WLS: variants seen among roughly 807,000 people sequenced by gnomAD.
WLS encodes the protein protein wntless homolog.
WLS carries 23 observed loss-of-function variants against 62.8 expected under a neutral mutation model. The ratio of observed to expected loss-of-function variants is 0.37; its 90% CI spans 0.26 to 0.52. WLS has a LOEUF of 0.52. Among genes scored for constraint, WLS ranks in the 20% least tolerant of loss-of-function variants. WLS has a pLI of 0.92. For synonymous variants in WLS, 246 were observed against 244.1 expected, an observed-to-expected ratio of 1.01 and a Z score of -0.07; for missense variants, 615 against 697.3, an observed-to-expected ratio of 0.88 and a Z score of 1.33.
At chr1:68,176,022 T>A (rs1294427529) in intron 2 of WLS, among the ~76,000 whole-genome samples, 1 of 152,226 alleles carries the variant, frequency 6.6e-6, no homozygotes, top group Non-Finnish European at 1.5e-5. Context: ...AGCTTTTTTA[T>A]TTCCAACCCA....
At chr1:68,224,512 C>T (rs773860036) in intron 1 of WLS, among the ~76,000 whole-genome samples, 10 of 152,182 alleles carry the variant, frequency 6.6e-5, no homozygotes, top group African/African-American at 2.2e-4. Flanking sequence ...CCCACTATCT[C>T]GACAAATTTC....
downstream of WLS, among the ~76,000 whole-genome samples, chr1:68,122,565 AT>A (rs3831101): frequency 0.31 from 47,243 of 152,048 alleles, 7,405 homozygotes; most frequent in East Asian, 0.45. Flanking sequence ...AAACTTTCTT[AT>A]TTTTTAAAAA....
At chr1:68,159,947 G>A (rs1056476210) in intron 2 of WLS, among the ~76,000 whole-genome samples, 1 of 152,092 alleles carries the variant, frequency 6.6e-6, no homozygotes, top group Non-Finnish European at 1.5e-5. Flanking sequence ...CATATGTGTG[G>A]ACTGGACCAC....
At chr1:68,124,316 A>G (rs1646398523), downstream of WLS, among the ~76,000 whole-genome samples, 2 of 152,156 alleles carry the variant, frequency 1.3e-5, no homozygotes, top group Admixed American at 6.5e-5. Flanking sequence ...ACAGCATTAA[A>G]AACCCTTCTC....
At chr1:68,162,843 G>A in intron 2 of WLS, 1 of 1,348,410 alleles carries the variant, frequency 7.4e-7, no homozygotes, top group East Asian at 2.3e-5. Flanking sequence ...GGATGATGGT[G>A]TGGTACATCA....
intron 11 of WLS, among the ~76,000 whole-genome samples, chr1:68,108,828 GGC>G (rs1646182118): frequency 6.6e-6 from 1 of 152,026 alleles, no homozygotes; most frequent in Non-Finnish European, 1.5e-5. Context: ...GGGGAAAATT[GGC>G]ACACTAAAGA....
intron 1 of WLS, among the ~76,000 whole-genome samples, chr1:68,214,255 G>T (rs1421372651): frequency 2.6e-5 from 4 of 151,832 alleles, no homozygotes; most frequent in African/African-American, 9.7e-5. Context: ...CCTAACAGAG[G>T]TTGGTTCCAT....
chr1:68,098,464 G>C, downstream of WLS: 1 of 1,077,802 alleles, frequency 9.3e-7, no homozygotes, highest in East Asian at 2.7e-5. Context: ...GGATGTAAGA[G>C]AAGTAAGACA....
At position 68,232,268 on chromosome 1, in the gene WLS, G is replaced by C. The variant is rs1312050404; in HGVS notation, c.32C>G (p.Thr11Ser). 1 of 1,613,912 alleles carries C rather than the reference G, an allele frequency of 6.2e-7. No homozygotes were observed. Residue 11 changes from threonine (T) to serine (S), a missense_variant, in exon 1 of 12, where the codon ACC (threonine) becomes AGC (serine). By Grantham distance (58) the Thr-to-Ser change is moderately conservative. Coordinates refer to ENST00000262348, the MANE Select transcript of WLS (RefSeq NM_024911.7). MAGAIIENMS[T>S]KKLCIVGGIL... Reference sequence around the variant, plus strand: ...CCCACCAACAATGCACAGCTTCTTGGTGCTCATGTTTTCTATAATTGCCCC... The same window carrying C: ...CCCACCAACAATGCACAGCTTCTTGCTGCTCATGTTTTCTATAATTGCCCC...
chr1:68,119,617 C>T (rs1382453712), intron 11 of WLS, among the ~76,000 whole-genome samples: 1 of 152,204 alleles, frequency 6.6e-6, no homozygotes, highest in East Asian at 1.9e-4. Context: ...TTGACAGAGG[C>T]CCTGGCCGTG....
chr1:68,138,698 C>T lies in WLS; in HGVS notation c.1363-765G>A, dbSNP rs187789881. Among the ~76,000 whole-genome samples, 187 of 152,252 alleles carry T rather than the reference C, an allele frequency of 1.2e-3. 6 individuals carry two copies. The highest frequency in any genetic ancestry group is 1.6e-4 in the Non-Finnish European group (11 of 68,012). ...GGGCTGCCTAAAGATATATGGATTA[C>T]ACTAAGAACTGTCAACAGAGCTGCT... On this transcript the variant is annotated intron_variant, in intron 10 of 11. Transcript: ENST00000262348.
chr1:68,210,055 G>C (rs534638900), intron 1 of WLS, among the ~76,000 whole-genome samples: 3 of 152,184 alleles, frequency 2.0e-5, no homozygotes, highest in Non-Finnish European at 2.9e-5. Context: ...CTATTGTAGA[G>C]GTTGTTGATC....
chr1:68,144,650 C>T lies in WLS; in HGVS notation c.1281G>A (p.Gly427=), dbSNP rs766795856. 7 of 1,612,830 alleles carry T rather than the reference C, an allele frequency of 4.3e-6. No homozygotes were observed. Among genetic ancestry groups the T allele is most frequent in the Non-Finnish European group, 5.1e-6 (6 of 1,179,208 alleles). ...TGAGGAACTTGAACCTAAAAATTAGCCCCTATTAGAAAAGAAAGAGTAGTT... is the reference window on the plus strand; with the variant it reads ...TGAGGAACTTGAACCTAAAAATTAGTCCCTATTAGAAAAGAAAGAGTAGTT... The part of the protein sequence containing the change: ...MSKVRRLHYE[G]LIFRFKFLML... The change falls in exon 10 of 12, where the codon GGG becomes GGA. Residue 427 remains glycine (G), a splice_region_variant and synonymous_variant. Coordinates refer to ENST00000262348, the MANE Select transcript of WLS (RefSeq NM_024911.7).
At chr1:68,115,141 C>G (rs902347597) in intron 11 of WLS, among the ~76,000 whole-genome samples, 8 of 152,204 alleles carry the variant, frequency 5.3e-5, no homozygotes, top group Non-Finnish European at 1.2e-4. Context: ...GGTTTCAACT[C>G]AATGACTGCT....
At chr1:68,158,211 C>T (rs1030702191) in intron 3 of WLS, among the ~76,000 whole-genome samples, 8 of 152,186 alleles carry the variant, frequency 5.3e-5, no homozygotes, top group Non-Finnish European at 7.3e-5. Flanking sequence ...TGGGTGTGCC[C>T]TGGGAATCTG....
At chr1:68,142,052 T>C (rs1646693931) in intron 10 of WLS, among the ~76,000 whole-genome samples, 1 of 152,246 alleles carries the variant, frequency 6.6e-6, no homozygotes, top group Non-Finnish European at 1.5e-5. Context: ...ATTAATCTTT[T>C]TCTCCAAAGA....
intron 11 of WLS, among the ~76,000 whole-genome samples, chr1:68,104,045 C>T (rs945039957): frequency 6.6e-6 from 1 of 152,138 alleles, no homozygotes; most frequent in Non-Finnish European, 1.5e-5. Flanking sequence ...GGCTCAAGGG[C>T]CCAGAACTAT....
intron 6 of WLS, among the ~76,000 whole-genome samples, chr1:68,148,929 A>G (rs1646789163): frequency 6.6e-6 from 1 of 152,192 alleles, no homozygotes; most frequent in Non-Finnish European, 1.5e-5. Flanking sequence ...GAACACAAAG[A>G]AAGGCCTCGG....
chr1:68,117,161 C>T (rs536596930), intron 11 of WLS, among the ~76,000 whole-genome samples: 2 of 152,282 alleles, frequency 1.3e-5, no homozygotes, highest in African/African-American at 4.8e-5. Context: ...CACTCCTCTG[C>T]ATCAAGCTAG....
Sources: allele counts gnomAD v4.1 joint callset (sites outside exome capture counted in the v4.1 genomes callset), GRCh38; gene constraint gnomAD v4.1.1; transcripts MANE v1.5; gene names NCBI Gene and HGNC (gene_info 2026-07-23, HGNC 2026-07-21).